Variants in IVD observed in about 807,000 individuals in gnomAD.
IVD encodes the protein isovaleryl-CoA dehydrogenase.
A neutral mutation model predicts 51.3 loss-of-function variants in IVD; 31 were observed. The observed-to-expected ratio is 0.60, with a 90% CI of 0.45 to 0.81. IVD has a LOEUF of 0.81. Ranked by LOEUF, IVD falls within the 40% of genes least tolerant of loss-of-function variation. IVD has a pLI of 0.00. For missense variants in IVD, 475 were observed against 552.0 expected (o/e 0.86, Z 1.40); for synonymous variants, 205 against 219.4 (o/e 0.93, Z 0.58).
downstream of IVD, among the ~76,000 whole-genome samples, chr15:40,422,585 C>CTTTTTTTTTTT (rs1157351420): frequency 3.3e-4 from 23 of 69,154 alleles, 3 homozygotes; most frequent in African/African-American, 7.4e-4. Context: ...GCCCGGCCGA[C>CTTTTTTTTTTT]TTTTTTTTTT....
chr15:40,411,339 A>C lies in IVD; in HGVS notation c.536A>C (p.Lys179Thr). 5 of 1,614,128 alleles carry C rather than the reference A, an allele frequency of 3.1e-6. No individual in the cohort carries two copies. The highest frequency in any genetic ancestry group is 4.2e-6 in the Non-Finnish European group (5 of 1,180,020). ...TCTGATGTTGTCTCTATGAAGCTCA[A>C]AGCGGAAAAGAAAGGTGAGGCCACT... Reference protein sequence around the residue: ...AGSDVVSMKLKAEKKGNHYIL... With the variant: ...AGSDVVSMKLTAEKKGNHYIL... The change falls in exon 5 of 12, where the codon AAA (lysine) becomes ACA (threonine). Residue 179 changes from lysine to threonine, a missense_variant. By Grantham distance (78) the Lys-to-Thr change is moderately conservative (BLOSUM62 -1). Transcript: ENST00000487418.
downstream of IVD, among the ~76,000 whole-genome samples, chr15:40,428,843 G>A (rs1318753424): frequency 6.6e-6 from 1 of 152,188 alleles, no homozygotes; most frequent in Non-Finnish European, 1.5e-5. Context: ...CCTCCCCAAA[G>A]AAGGATCGGG....
intron 1 of IVD, among the ~76,000 whole-genome samples, chr15:40,406,569 G>C (rs1566930481): frequency 6.6e-6 from 1 of 152,094 alleles, no homozygotes; most frequent in African/African-American, 2.4e-5. Flanking sequence ...CGAGGTGGGA[G>C]GATTGTTTGA....
At position 40,434,503 on chromosome 15, in the gene IVD, G is replaced by A. The variant is rs185930326; in HGVS notation, c.780+589G>A. Among the ~76,000 whole-genome samples, 414 of 152,332 alleles carry A rather than the reference G, an allele frequency of 2.7e-3. 1 individual carries two copies. The highest frequency in any genetic ancestry group is 5.0e-3 in the Non-Finnish European group (337 of 68,036). On this transcript the variant is annotated intron_variant, in intron 8 of 8. Transcript: ENST00000473112. ...AGGAAGCCATAAAGAGGATGTTAAA[G>A]CCATAGGCCTGCCCTCCAGGGGTTT...
chr15:40,411,782 T>A (rs1891115921), intron 6 of IVD, 91 bp downstream of exon 6: 3 of 1,480,120 alleles, frequency 2.0e-6, no homozygotes, highest in Non-Finnish European at 2.8e-6. Flanking sequence ...ATGGAATCAG[T>A]GTTGTGTGCT....
At chr15:40,435,939 T>C (rs1451797749), downstream of IVD, 1 of 153,196 alleles carries the variant, frequency 6.5e-6, no homozygotes, top group Admixed American at 6.5e-5. Flanking sequence ...CATAAAGTTA[T>C]CACTCTGTTT....
Position 40,421,116 on chromosome 15 carries a change from A to C in IVD, c.*2853A>C. 2 of 985,430 alleles carry C rather than the reference A, an allele frequency of 2.0e-6. No individual in the cohort carries two copies. Among genetic ancestry groups the C allele is most frequent in the Non-Finnish European group, 2.4e-6 (2 of 829,936 alleles). The allele number at this position is 985,430 out of a possible 1,614,324, so 61.0% of individuals were successfully genotyped here. A position where few individuals can be genotyped will look rare whatever the true frequency, so the allele number is the denominator to read the frequency against. ...CTTGCTCCCTGCTATGTTGGAGATG[A>C]ATGTGACTAAAAGGGCCATCTTGCT... On this transcript the variant is annotated 3_prime_UTR_variant, in exon 12 of 12. Transcript: ENST00000487418.
intron 7 of IVD, among the ~76,000 whole-genome samples, chr15:40,430,810 A>C (rs892968363): frequency 6.6e-6 from 1 of 152,248 alleles, no homozygotes; most frequent in South Asian, 2.1e-4. Flanking sequence ...ATGTTCTTGA[A>C]AGACCATATT....
At chr15:40,406,078 C>CT in intron 1 of IVD, 107 bp downstream of exon 1, 2 of 1,544,358 alleles carry the variant, frequency 1.3e-6, no homozygotes, top group Non-Finnish European at 1.7e-6. Flanking sequence ...CCAGCCTTGG[C>CT]TTTTGCCCGT....
intron 2 of IVD, 58 bp downstream of exon 2, chr15:40,407,783 G>C: frequency 6.7e-7 from 1 of 1,494,348 alleles, no homozygotes; most frequent in Non-Finnish European, 9.3e-7. Flanking sequence ...GAGCTGCACT[G>C]CTGCCTGGAA....
At chr15:40,410,930 G>C in intron 4 of IVD, 133 bp downstream of exon 4, 1 of 1,118,814 alleles carries the variant, frequency 8.9e-7, no homozygotes, top group Non-Finnish European at 1.3e-6. Flanking sequence ...GGTTAGGAAG[G>C]GGCCATGGAT....
chr15:40,429,395 A>C (rs1482970423), downstream of IVD, among the ~76,000 whole-genome samples: 5 of 152,214 alleles, frequency 3.3e-5, no homozygotes, highest in Non-Finnish European at 7.3e-5. Context: ...GGGCCAAAAA[A>C]GTTTACGAGT....
At chr15:40,430,349 G>A (rs1410798747) in intron 7 of IVD, among the ~76,000 whole-genome samples, 2 of 152,328 alleles carry the variant, frequency 1.3e-5, no homozygotes, top group East Asian at 3.9e-4. Context: ...CGGCTTGCCA[G>A]GCTTGCTAGG....
At chr15:40,427,998 A>G (rs1206049602), downstream of IVD, among the ~76,000 whole-genome samples, 1 of 152,172 alleles carries the variant, frequency 6.6e-6, no homozygotes, top group East Asian at 1.9e-4. Flanking sequence ...CCTGGCCAAC[A>G]TGGTGAAACC....
intron 1 of IVD, among the ~76,000 whole-genome samples, chr15:40,406,910 C>T (rs1292744900): frequency 6.7e-6 from 1 of 148,666 alleles, no homozygotes; most frequent in African/African-American, 2.5e-5. Context: ...GTTGCCCAGG[C>T]TGGAGTGTAA....
At chr15:40,412,793 G>A (rs1891218742) in intron 6 of IVD, 198 bp from the exon 7 acceptor site, 1 of 589,828 alleles carries the variant, frequency 1.7e-6, no homozygotes, top group Non-Finnish European at 3.0e-6. Flanking sequence ...ACACAAGCTA[G>A]TGGCAGAGGA....
chr15:40,420,763 A>G lies in IVD; in HGVS notation c.*2500A>G. 1 of 985,742 alleles carries G rather than the reference A, an allele frequency of 1.0e-6. No individual in the cohort carries two copies. The highest frequency in any genetic ancestry group is 1.2e-6 in the Non-Finnish European group (1 of 830,130). The allele number at this position is 985,742 out of a possible 1,614,324, so 61.1% of individuals were successfully genotyped here. ...GACTTTCTCAAGGTCAAAACGAACT[A>G]GAATCCAGATCTGCTCATGGCAAAA... On this transcript the variant is annotated 3_prime_UTR_variant, in exon 12 of 12. Transcript: ENST00000487418.
chr15:40,430,153 A>T (rs978406509), intron 7 of IVD, among the ~76,000 whole-genome samples: 7 of 152,240 alleles, frequency 4.6e-5, no homozygotes, highest in Non-Finnish European at 1.0e-4. Context: ...GTCAGGGTGC[A>T]GAGCCGCTGC....
downstream of IVD, chr15:40,421,385 C>T (rs1892286948): frequency 1.0e-6 from 1 of 985,464 alleles, no homozygotes; most frequent in Non-Finnish European, 1.2e-6. Flanking sequence ...TGGTTGCCTA[C>T]ATGCATTGGG....
Sources: allele counts gnomAD v4.1 joint callset (sites outside exome capture counted in the v4.1 genomes callset), GRCh38; gene constraint gnomAD v4.1.1; transcripts MANE v1.5; gene names NCBI Gene and HGNC (gene_info 2026-07-23, HGNC 2026-07-21).